Variants in CNTLN observed in about 807,000 individuals in gnomAD.
CNTLN encodes the protein centlein, also known as centlein, centrosomal protein.
In CNTLN, 212 loss-of-function variants were observed where a neutral mutation model predicts 180.0. The observed-to-expected ratio is 1.18, with a 90% CI of 1.05 to 1.32. CNTLN has a LOEUF of 1.32. Ranked by LOEUF, CNTLN falls within the 40% of genes most tolerant of loss-of-function variation. The pLI, the probability that CNTLN is intolerant of heterozygous loss-of-function variation, is 0.00. For missense variants in CNTLN, 2,095 were observed against 1,610.9 expected (o/e 1.30, Z -5.14); for synonymous variants, 722 against 563.1 (o/e 1.28, Z -3.99).
chr9:17,309,845 C>T (rs185251221), intron 8 of CNTLN, among the ~76,000 whole-genome samples: 121 of 152,138 alleles, frequency 8.0e-4, no homozygotes, highest in African/African-American at 2.8e-3. Flanking sequence ...CTCTAAACAT[C>T]TTTAAAAAAA....
chr9:17,270,916 A>C (rs189904326), intron 5 of CNTLN, among the ~76,000 whole-genome samples: 59 of 151,058 alleles, frequency 3.9e-4, no homozygotes, highest in African/African-American at 1.4e-3. Flanking sequence ...TTTTGTATTA[A>C]TATCAAGGGC....
intron 13 of CNTLN, among the ~76,000 whole-genome samples, chr9:17,376,807 T>C (rs547842016): frequency 4.4e-4 from 67 of 152,294 alleles, no homozygotes; most frequent in African/African-American, 1.5e-3. Context: ...ACTAATTATA[T>C]AAAAAGAGTG....
At chr9:17,328,521 G>A (rs1189112067) in intron 8 of CNTLN, among the ~76,000 whole-genome samples, 1 of 152,076 alleles carries the variant, frequency 6.6e-6, no homozygotes, top group Non-Finnish European at 1.5e-5. Flanking sequence ...ACTTCATTTT[G>A]CTCATATTTA....
intron 2 of CNTLN, among the ~76,000 whole-genome samples, chr9:17,203,089 C>G (rs2131895031): frequency 6.6e-6 from 1 of 152,214 alleles, no homozygotes; most frequent in South Asian, 2.1e-4. Flanking sequence ...TTCTCCTTCA[C>G]TTATGAAGCT....
rs368760666 is a variant in CNTLN, at chr9:17,264,956, T to G, written c.850-8777T>G. Among the ~76,000 whole-genome samples the G allele has an allele frequency of 1.9e-4, 27 of 145,604 alleles. No individual in the cohort carries two copies. In the East Asian group the frequency reaches 2.5e-3, roughly 13 times the overall value. On this transcript the variant is annotated intron_variant, in intron 5 of 25. Transcript: ENST00000380647. Reference sequence around the variant, plus strand: ...AGATTTGGGGCTGAGACAATGGGGTTTTCTAGATATAGAATCATGTCATCT... The same window carrying G: ...AGATTTGGGGCTGAGACAATGGGGTGTTCTAGATATAGAATCATGTCATCT...
At chr9:17,225,241 C>T (rs767120864) in intron 2 of CNTLN, among the ~76,000 whole-genome samples, 3 of 151,962 alleles carry the variant, frequency 2.0e-5, no homozygotes, top group Non-Finnish European at 4.4e-5. Flanking sequence ...GCATTCCCAT[C>T]CCACACAATG....
chr9:17,236,763 G>T (rs1046284364), intron 5 of CNTLN, among the ~76,000 whole-genome samples, 175 bp downstream of exon 5: 5 of 152,186 alleles, frequency 3.3e-5, no homozygotes, highest in Admixed American at 2.0e-4. Context: ...ATGTTGCAAA[G>T]CAGGAAACTG....
chr9:17,277,281 AACCATTACCTAATGGTTCTACAAT>A, intron 6 of CNTLN, among the ~76,000 whole-genome samples: 1 of 75,646 alleles, frequency 1.3e-5, no homozygotes, highest in East Asian at 4.3e-4. Flanking sequence ...GATGGGGTAG[AACCATTACCTAATGGTTCTACAAT>A]TGAGATGAGA....
At chr9:17,502,355 CTT>C (rs2134429816) in intron 25 of CNTLN, among the ~76,000 whole-genome samples, 194 bp from the exon 26 acceptor site, 1 of 152,268 alleles carries the variant, frequency 6.6e-6, no homozygotes, top group Admixed American at 6.5e-5. Context: ...TACTTTTGCT[CTT>C]TTGTCATTTT....
At chr9:17,262,292 A>C (rs1827052675) in intron 5 of CNTLN, among the ~76,000 whole-genome samples, 1 of 151,580 alleles carries the variant, frequency 6.6e-6, no homozygotes, top group Admixed American at 6.6e-5. Context: ...TTATTGCAGC[A>C]CTATGTACAA....
intron 2 of CNTLN, among the ~76,000 whole-genome samples, chr9:17,159,265 T>G (rs368381142): frequency 2.0e-5 from 3 of 152,228 alleles, no homozygotes; most frequent in Non-Finnish European, 4.4e-5. Flanking sequence ...GTGTTGCAAA[T>G]AAAGTCAGTT....
intron 25 of CNTLN, among the ~76,000 whole-genome samples, chr9:17,492,037 A>G (rs1311018117): frequency 1.3e-5 from 2 of 152,020 alleles, no homozygotes; most frequent in African/African-American, 4.8e-5. Context: ...ACTCTGTCTC[A>G]TCCATGTAAG....
intron 7 of CNTLN, among the ~76,000 whole-genome samples, chr9:17,307,043 CA>C (rs1321004296): frequency 3.3e-5 from 5 of 152,074 alleles, no homozygotes; most frequent in Non-Finnish European, 7.4e-5. Context: ...TTTAAGCTGT[CA>C]GGTTCCTACT....
chr9:17,253,732 C>G (rs941391059), intron 5 of CNTLN, among the ~76,000 whole-genome samples: 3 of 147,920 alleles, frequency 2.0e-5, no homozygotes, highest in Admixed American at 6.8e-5. Flanking sequence ...TTTGACTTTC[C>G]CTTTTTCAAA....
intron 2 of CNTLN, among the ~76,000 whole-genome samples, chr9:17,159,900 C>A (rs1008879920): frequency 9.9e-5 from 15 of 152,178 alleles, no homozygotes; most frequent in African/African-American, 2.4e-4. Context: ...TAATTTTCAC[C>A]AGTTTCACTG....
chr9:17,504,373 A>G (rs1489694947), downstream of CNTLN, among the ~76,000 whole-genome samples: 1 of 152,204 alleles, frequency 6.6e-6, no homozygotes, highest in Non-Finnish European at 1.5e-5. Flanking sequence ...CCTCATTACG[A>G]CAGAATTTTA....
In CNTLN at chr9:17,438,341, T is replaced by G. The variant is rs561160844; in HGVS notation, c.3115-19183T>G. The stretch of plus-strand genomic sequence containing the variant: ...GACAATATTAGTAGAAATAGAAAGT[T>G]TTTTAAAAAACAAGAGACTTTGCAG... On this transcript the variant is annotated intron_variant, in intron 18 of 25. Transcript: ENST00000380647. Among the ~76,000 whole-genome samples, 5 of 152,216 alleles carry G rather than the reference T, an allele frequency of 3.3e-5. No homozygotes were observed. In the South Asian group the frequency reaches 1.0e-3, roughly 32 times the overall value.
intron 7 of CNTLN, chr9:17,302,167 G>T: frequency 4.3e-6 from 4 of 941,060 alleles, no homozygotes; most frequent in Non-Finnish European, 5.1e-6. Context: ...TTCCTTTTAT[G>T]AAGCTATAAC....
chr9:17,178,509 G>C (rs1820882470), intron 2 of CNTLN, among the ~76,000 whole-genome samples: 1 of 152,148 alleles, frequency 6.6e-6, no homozygotes, highest in Non-Finnish European at 1.5e-5. Context: ...CCCACAGCAG[G>C]GCGGGGGCGG....
Sources: allele counts gnomAD v4.1 joint callset (sites outside exome capture counted in the v4.1 genomes callset), GRCh38; gene constraint gnomAD v4.1.1; transcripts MANE v1.5; gene names NCBI Gene and HGNC (gene_info 2026-07-23, HGNC 2026-07-21).